SPON1: variants seen among roughly 807,000 people sequenced by gnomAD.
SPON1 encodes spondin 1, also known as spondin-1.
Under a neutral mutation model 111.7 loss-of-function variants are expected in SPON1, and 52 were observed. The ratio of observed to expected loss-of-function variants is 0.47; its 90% CI spans 0.37 to 0.59. The LOEUF is 0.59. Among genes scored for constraint, SPON1 ranks in the 20% least tolerant of loss-of-function variants. The probability of loss-of-function intolerance (pLI) is 0.00; values close to 1 mark genes in which losing one functional copy is unlikely to be tolerated. For synonymous variants in SPON1, 410 were observed against 395.8 expected (o/e 1.04, Z -0.43); for missense variants, 957 against 1,068.5 (o/e 0.90, Z 1.46).
intron 15 of SPON1, 102 bp downstream of exon 15, chr11:14,263,077 C>T (rs969345556): frequency 1.7e-5 from 17 of 1,015,702 alleles, no homozygotes; most frequent in East Asian, 2.6e-5. Context: ...AAAAAAAAGT[C>T]GGGGAGAGTC....
intron 2 of SPON1, among the ~76,000 whole-genome samples, chr11:13,999,424 CT>C (rs11411530): frequency 0.078 from 11,038 of 142,374 alleles, 455 homozygotes; most frequent in Middle Eastern, 0.14. Context: ...CATTTTCTTT[CT>C]TTTTTTTTTT....
chr11:14,222,040 A>T (rs1442666742), intron 6 of SPON1, among the ~76,000 whole-genome samples: 1 of 152,206 alleles, frequency 6.6e-6, no homozygotes, highest in Non-Finnish European at 1.5e-5. Context: ...TGTTGGCACC[A>T]TGAGATATTT....
At chr11:14,034,754 C>T (rs975453486) in intron 2 of SPON1, among the ~76,000 whole-genome samples, 1 of 152,200 alleles carries the variant, frequency 6.6e-6, no homozygotes, top group Non-Finnish European at 1.5e-5. Context: ...ACTCTGAGCT[C>T]CAGTTCCTCA....
intron 5 of SPON1, among the ~76,000 whole-genome samples, chr11:14,082,989 G>A (rs1458886625): frequency 6.6e-6 from 1 of 151,870 alleles, no homozygotes; most frequent in Non-Finnish European, 1.5e-5. Flanking sequence ...AATCTTTGAG[G>A]ATCCCAACAT....
At chr11:14,081,563 G>T (rs1848962309) in intron 5 of SPON1, among the ~76,000 whole-genome samples, 1 of 152,022 alleles carries the variant, frequency 6.6e-6, no homozygotes, top group Non-Finnish European at 1.5e-5. Flanking sequence ...TTTTGTTTGG[G>T]TTGCGTGTTG....
chr11:14,112,122 A>G (rs1001415623), intron 5 of SPON1, among the ~76,000 whole-genome samples: 4 of 151,658 alleles, frequency 2.6e-5, no homozygotes, highest in East Asian at 1.9e-4. Flanking sequence ...AAAAAAAAAA[A>G]GGAAAAAGAA....
At position 14,135,683 on chromosome 11, in the gene SPON1, T is replaced by C; in HGVS notation, c.825+115T>C. On this transcript the variant is annotated intron_variant, in intron 6 of 15. Coordinates refer to ENST00000576479, the MANE Select transcript of SPON1 (RefSeq NM_006108.4). The surrounding 1 kb of genome is among the most constrained non-coding windows in gnomAD (Gnocchi z 4.4). The stretch of plus-strand genomic sequence containing the variant: ...GTACAATGTGGTGGAAGAAAATCTA[T>C]TTGCTGAGTTTGGGGGTTTTATGTT... 9.5e-7 allele frequency: 1 copy of C among 1,056,388 alleles called. No homozygotes were observed. The highest frequency in any genetic ancestry group is 2.1e-4 in the Middle Eastern group (1 of 4,766). The allele number at this position is 1,056,388 out of a possible 1,614,324, so 65.4% of individuals were successfully genotyped here.
intron 1 of SPON1, among the ~76,000 whole-genome samples, chr11:13,969,215 C>CAAAAAAAAA (rs3047401): frequency 3.6e-4 from 38 of 106,832 alleles, no homozygotes; most frequent in Non-Finnish European, 5.6e-4. Context: ...CCCATCTCTA[C>CAAAAAAAAA]AAAAAAAAAA....
rs995468434 is a variant in SPON1 at position 14,234,677 on chromosome 11, C to T, written c.826-8655C>T. On this transcript the variant is annotated intron_variant, in intron 6 of 15. Coordinates refer to ENST00000576479, the MANE Select transcript of SPON1 (RefSeq NM_006108.4). ...GGGCGGAGGGGCAGTGGGGCAGGCC[C>T]GGAACAGCTCTGATGGTCCCTTCCT... 3.3e-5 allele frequency among the ~76,000 whole-genome samples: 5 copies of T among 152,290 alleles called. No homozygotes were observed. In the East Asian group the frequency reaches 5.8e-4, roughly 18 times the overall value.
chr11:14,012,130 G>A (rs1242082268), intron 2 of SPON1, among the ~76,000 whole-genome samples: 1 of 152,154 alleles, frequency 6.6e-6, no homozygotes, highest in Non-Finnish European at 1.5e-5. Flanking sequence ...GAGGGAGTTC[G>A]TTGACACTTT....
rs782728188 is a variant in SPON1 at position 14,108,856 on chromosome 11, C to A, written c.677-26564C>A. On this transcript the variant is annotated intron_variant, in intron 5 of 15. Transcript: ENST00000576479. Reference sequence around the variant, plus strand: ...AGGTCAGTTTTACTTGATTTCTCTTCCCCTCTTTGCCTACCACCCAACCCC... The same window carrying A: ...AGGTCAGTTTTACTTGATTTCTCTTACCCTCTTTGCCTACCACCCAACCCC... Among the ~76,000 whole-genome samples the A allele has an allele frequency of 1.3e-5, 2 of 151,842 alleles. 1 individual carries two copies. Among genetic ancestry groups the A allele is most frequent in the South Asian group, 4.2e-4 (2 of 4,806 alleles).
chr11:14,170,987 G>A (rs1416002107), intron 6 of SPON1, among the ~76,000 whole-genome samples: 1 of 152,168 alleles, frequency 6.6e-6, no homozygotes, highest in Admixed American at 6.6e-5. Context: ...AGACTTTGGT[G>A]TCAGGATGAC....
At chr11:14,090,778 G>C (rs1159057031) in intron 5 of SPON1, among the ~76,000 whole-genome samples, 1 of 147,320 alleles carries the variant, frequency 6.8e-6, no homozygotes, top group African/African-American at 2.6e-5. Flanking sequence ...AAGGGGACCC[G>C]GTTGCCACTG....
intron 10 of SPON1, 50 bp downstream of exon 10, chr11:14,256,742 T>C: frequency 1.4e-6 from 2 of 1,432,824 alleles, no homozygotes; most frequent in Admixed American, 1.7e-5. Flanking sequence ...GACATAACCC[T>C]TTGAGAAAGC....
rs1473776901 is a variant in SPON1, at chr11:14,267,154, A to G, written c.*1467A>G. 3.9e-5 allele frequency: 6 copies of G among 152,238 alleles called. No homozygotes were observed. Among genetic ancestry groups the G allele is most frequent in the African/African-American group, 1.4e-4 (6 of 41,470 alleles). 9.4% of individuals were successfully genotyped at this position (152,238 alleles called of 1,614,324 possible). On this transcript the variant is annotated 3_prime_UTR_variant, in exon 16 of 16. Transcript: ENST00000576479. Reference sequence around the variant, plus strand: ...AATATTTCCAAATACAACATAGTATAGTCCTGAATATGTACTTTTAACACA... The same window carrying G: ...AATATTTCCAAATACAACATAGTATGGTCCTGAATATGTACTTTTAACACA...
At chr11:14,159,982 T>G (rs1200190536) in intron 6 of SPON1, among the ~76,000 whole-genome samples, 5 of 152,144 alleles carry the variant, frequency 3.3e-5, no homozygotes, top group Admixed American at 2.6e-4. Flanking sequence ...TTTGATAGCA[T>G]AATAGGTGAA....
chr11:14,179,541 G>T (rs574066666), intron 6 of SPON1, among the ~76,000 whole-genome samples: 78 of 152,220 alleles, frequency 5.1e-4, no homozygotes, highest in African/African-American at 1.8e-3. Context: ...GAGGGTGGGG[G>T]TTGAAAGAGC....
chr11:14,139,304 A>G (rs1444380850), intron 6 of SPON1, among the ~76,000 whole-genome samples: 1 of 152,186 alleles, frequency 6.6e-6, no homozygotes, highest in Non-Finnish European at 1.5e-5. Flanking sequence ...CTTAGGACTT[A>G]GCTTAGATGT....
At chr11:14,077,835 CA>C (rs35451581) in intron 4 of SPON1, among the ~76,000 whole-genome samples, 61 of 116,356 alleles carry the variant, frequency 5.2e-4, no homozygotes, top group South Asian at 1.5e-3. Flanking sequence ...ATGAAAGAGA[CA>C]AAAAAAAAAG....
Sources: gnomAD v4.1 joint callset for allele counts (sites outside exome capture counted in the v4.1 genomes callset) on GRCh38, gnomAD v4.1.1 for gene constraint, Gnocchi (gnomAD v3.1) non-coding constraint, MANE v1.5 for transcripts, NCBI Gene and HGNC (gene_info 2026-07-23, HGNC 2026-07-21) for gene names.